The following FLVCR2 variants were observed in gnomAD, a reference collection of about 807,000 sequenced individuals.
FLVCR2 encodes the protein FLVCR choline and putative heme transporter 2.
Under a neutral mutation model 48.9 loss-of-function variants are expected in FLVCR2, and 38 were observed. That is an observed-to-expected ratio of 0.78 (90% CI 0.60 to 1.02). The LOEUF is 1.02. Ranked by LOEUF, FLVCR2 falls within the 50% of genes least tolerant of loss-of-function variation. FLVCR2 has a pLI of 0.00. For synonymous variants in FLVCR2, 255 were observed against 257.0 expected (o/e 0.99, Z 0.07); for missense variants, 664 against 663.3 (o/e 1.00, Z -0.01).
chr14:75,601,992 T>C (rs966826040), intron 1 of FLVCR2, among the ~76,000 whole-genome samples: 9 of 152,220 alleles, frequency 5.9e-5, no homozygotes, highest in Middle Eastern at 3.2e-3. Flanking sequence ...AACATTTTAC[T>C]CACATTTCCT....
At chr14:75,608,233 C>T (rs1889347310) in intron 1 of FLVCR2, among the ~76,000 whole-genome samples, 2 of 152,218 alleles carry the variant, frequency 1.3e-5, no homozygotes, top group South Asian at 2.1e-4. Flanking sequence ...GCTCCATCAT[C>T]CTTACCGTAG....
chr14:75,578,887 ACT>A lies in FLVCR2; in HGVS notation c.-83_-82del, dbSNP rs1209485502. Reference sequence around the variant, plus strand: ...TCTGGAATAGGCAAGTGTCCTTTCAACTCTAAGAGACCAGCAGAGGCCACTGT... The same window carrying A: ...TCTGGAATAGGCAAGTGTCCTTTCAACTAAGAGACCAGCAGAGGCCACTGT... On this transcript the variant is annotated 5_prime_UTR_variant, in exon 1 of 10. Coordinates refer to ENST00000238667, the MANE Select transcript of FLVCR2 (RefSeq NM_017791.3). 3.1e-6 allele frequency: 4 copies of A among 1,277,598 alleles called. No homozygotes were observed. The South Asian group carries it at 4.8e-5, about 15-fold the overall frequency. The allele number at this position is 1,277,598 out of a possible 1,614,324, so 79.1% of individuals were successfully genotyped here.
At chr14:75,581,041 C>T (rs1227917861) in intron 1 of FLVCR2, among the ~76,000 whole-genome samples, 2 of 151,804 alleles carry the variant, frequency 1.3e-5, no homozygotes, top group Non-Finnish European at 2.9e-5. Context: ...CTCAGGACTG[C>T]TTCGAGCGGG....
rs533010063 is a variant in FLVCR2 at position 75,608,374 on chromosome 14, T to C, written c.670-13705T>C. Among the ~76,000 whole-genome samples the C allele has an allele frequency of 3.3e-5, 5 of 152,316 alleles. No individual in the cohort carries two copies. The East Asian group carries it at 7.7e-4, about 23-fold the overall frequency. On this transcript the variant is annotated intron_variant, in intron 1 of 9. Transcript: ENST00000238667. Reference sequence around the variant, plus strand: ...CCAGGAATCCTGTGGAGCATTCTGGTTCTTTTTCATTCCAGGAAACTGACC... The same window carrying C: ...CCAGGAATCCTGTGGAGCATTCTGGCTCTTTTTCATTCCAGGAAACTGACC...
chr14:75,637,116 G>A (rs891744537), intron 5 of FLVCR2, among the ~76,000 whole-genome samples: 6 of 152,180 alleles, frequency 3.9e-5, no homozygotes, highest in African/African-American at 1.4e-4. Context: ...CGTTATTCCC[G>A]CATGCAGTAG....
intron 1 of FLVCR2, 61 bp downstream of exon 1, chr14:75,579,702 G>A (rs747497038): frequency 6.4e-6 from 10 of 1,562,628 alleles, no homozygotes; most frequent in Admixed American, 5.1e-5. Flanking sequence ...CTAACTATTG[G>A]GTGTGGTAGG....
chr14:75,584,175 G>A (rs1312960509), intron 1 of FLVCR2, among the ~76,000 whole-genome samples: 1 of 152,186 alleles, frequency 6.6e-6, no homozygotes, highest in African/African-American at 2.4e-5. Flanking sequence ...GGTGCCCCTG[G>A]GAGCTGTGGC....
rs1347127845 is a variant in FLVCR2 at position 75,646,621 on chromosome 14, A to G, written c.*149A>G. 1.4e-6 allele frequency: 1 copy of G among 698,632 alleles called. No homozygotes were observed. The highest frequency in any genetic ancestry group is 1.8e-5 in the African/African-American group (1 of 56,868). The allele number at this position is 698,632 out of a possible 1,614,324, so 43.3% of individuals were successfully genotyped here. A position where few individuals can be genotyped will look rare whatever the true frequency, so the allele number is the denominator to read the frequency against. On this transcript the variant is annotated 3_prime_UTR_variant, in exon 10 of 10. Coordinates refer to ENST00000238667, the MANE Select transcript of FLVCR2 (RefSeq NM_017791.3). Reference sequence around the variant, plus strand: ...GGCATGGATGGCCTATTCCTCCTAGAACCCACGTAAGAGCTTGGATGATTT... The same window carrying G: ...GGCATGGATGGCCTATTCCTCCTAGGACCCACGTAAGAGCTTGGATGATTT...
chr14:75,590,336 G>C (rs1179802653), intron 1 of FLVCR2, among the ~76,000 whole-genome samples: 1 of 152,172 alleles, frequency 6.6e-6, no homozygotes, highest in Non-Finnish European at 1.5e-5. Context: ...CTGCTCTATT[G>C]AGAATCCAAT....
At chr14:75,588,477 G>A (rs1192857703) in intron 1 of FLVCR2, among the ~76,000 whole-genome samples, 1 of 152,084 alleles carries the variant, frequency 6.6e-6, no homozygotes, top group Non-Finnish European at 1.5e-5. Flanking sequence ...ATGAACTTTT[G>A]TTGTTGTTAT....
At chr14:75,599,168 C>T (rs1321763911) in intron 1 of FLVCR2, among the ~76,000 whole-genome samples, 1 of 152,200 alleles carries the variant, frequency 6.6e-6, no homozygotes, top group African/African-American at 2.4e-5. Flanking sequence ...CATTCAAAGC[C>T]ATAGGAAATT....
chr14:75,599,672 G>C (rs1004415459), intron 1 of FLVCR2, among the ~76,000 whole-genome samples: 1 of 152,160 alleles, frequency 6.6e-6, no homozygotes, highest in Non-Finnish European at 1.5e-5. Context: ...AAGAAGAACA[G>C]CATCGGAGAT....
chr14:75,641,720 T>A, intron 8 of FLVCR2, 123 bp from the exon 9 acceptor site: 4 of 894,550 alleles, frequency 4.5e-6, no homozygotes, highest in Non-Finnish European at 7.4e-6. Context: ...AGTCACCAGC[T>A]CTCTTGACTA....
rs1890423799 is a variant in FLVCR2, at chr14:75,646,464, C to T, written c.1573C>T (p.His525Tyr). The T allele has an allele frequency of 7.5e-6, 12 of 1,610,300 alleles. No homozygotes were observed. The highest frequency in any genetic ancestry group is 1.0e-5 in the Non-Finnish European group (12 of 1,176,490). ...SKVPTAVSED[H>Y]L ...AGTGCCCACTGCTGTGTCAGAGGAT[C>T]ATCTCTGAGAGGAAGGTGGTGACAA... Residue 525 changes from histidine to tyrosine, a missense_variant, in exon 10 of 10, where the codon CAT becomes TAT. Coordinates refer to ENST00000238667, the MANE Select transcript of FLVCR2 (RefSeq NM_017791.3).
At position 75,578,890 on chromosome 14, in the gene FLVCR2, C is replaced by G. The variant is rs1888519764; in HGVS notation, c.-83C>G. Reference sequence around the variant, plus strand: ...GGAATAGGCAAGTGTCCTTTCAACTCTAAGAGACCAGCAGAGGCCACTGTC... The same window carrying G: ...GGAATAGGCAAGTGTCCTTTCAACTGTAAGAGACCAGCAGAGGCCACTGTC... On this transcript the variant is annotated 5_prime_UTR_variant, in exon 1 of 10. Transcript: ENST00000238667. 4 of 1,319,254 alleles carry G rather than the reference C, an allele frequency of 3.0e-6. No homozygotes were observed. Among genetic ancestry groups the G allele is most frequent in the East Asian group, 2.3e-5 (1 of 42,920 alleles). The allele number at this position is 1,319,254 out of a possible 1,614,324, so 81.7% of individuals were successfully genotyped here.
At chr14:75,608,591 C>T (rs1889357840) in intron 1 of FLVCR2, among the ~76,000 whole-genome samples, 5 of 152,092 alleles carry the variant, frequency 3.3e-5, no homozygotes, top group Admixed American at 3.3e-4. Context: ...TGGTCCTGGC[C>T]CTACCAAGTT....
Position 75,634,935 on chromosome 14 carries a change from T to A in FLVCR2, c.1046T>A (p.Ile349Asn). 6.2e-7 allele frequency: 1 copy of A among 1,613,974 alleles called. No homozygotes were observed. ...YPGEEVNAGR[I>N]GLTIVIAGML... ...GGGGAAGAAGTGAATGCTGGAAGAA[T>A]TGGCCTGACGATCGTCATTGCAGGA... is the stretch of plus-strand genomic sequence containing the variant. Residue 349 changes from isoleucine to asparagine, a missense_variant, in exon 5 of 10, where the codon ATT becomes AAT. By Grantham distance (149) the Ile-to-Asn change is moderately radical. Coordinates refer to ENST00000238667, the MANE Select transcript of FLVCR2 (RefSeq NM_017791.3).
Position 75,578,690 on chromosome 14 carries a change from G to A in FLVCR2, c.-283G>A. 2 of 544,222 alleles carry A rather than the reference G, an allele frequency of 3.7e-6. No homozygotes were observed. The highest frequency in any genetic ancestry group is 6.6e-6 in the Non-Finnish European group (2 of 303,732). The allele number at this position is 544,222 out of a possible 1,614,324, so 33.7% of individuals were successfully genotyped here. On this transcript the variant is annotated 5_prime_UTR_variant, in exon 1 of 10. Transcript: ENST00000238667. ...CTGCACAAGGAACGCCTCGTGGGGAGACCCAAGGCAGGAGCGGTCCGGAGC... is the reference window on the plus strand; with the variant it reads ...CTGCACAAGGAACGCCTCGTGGGGAAACCCAAGGCAGGAGCGGTCCGGAGC...
At chr14:75,587,314 G>A (rs549650211) in intron 1 of FLVCR2, among the ~76,000 whole-genome samples, 16 of 151,984 alleles carry the variant, frequency 1.1e-4, no homozygotes, top group African/African-American at 3.9e-4. Context: ...TGTGCATCAA[G>A]CATACATGTA....
Sources: allele counts gnomAD v4.1 joint callset (sites outside exome capture counted in the v4.1 genomes callset), GRCh38; gene constraint gnomAD v4.1.1; transcripts MANE v1.5; gene names NCBI Gene and HGNC (gene_info 2026-07-23, HGNC 2026-07-21).